SLC14A2: variants seen among roughly 807,000 people sequenced by gnomAD.
The protein encoded by SLC14A2 is urea transporter 2.
Under a neutral mutation model 104.6 loss-of-function variants are expected in SLC14A2, and 91 were observed. The observed-to-expected ratio is 0.87, with a 90% CI of 0.73 to 1.04. The LOEUF (loss-of-function observed/expected upper bound fraction) is 1.04. Among genes scored for constraint, SLC14A2 ranks in the 50% least tolerant of loss-of-function variants. The pLI, the probability that SLC14A2 is intolerant of heterozygous loss-of-function variation, is 0.00. For synonymous variants in SLC14A2, 476 were observed against 466.4 expected, an observed-to-expected ratio of 1.02 and a Z score of -0.27; for missense variants, 1,189 against 1,156.0, an observed-to-expected ratio of 1.03 and a Z score of -0.41.
rs146378277 is a variant in SLC14A2 at position 45,555,037 on chromosome 18, G to A, written c.-34-69594G>A. ...GTACCTGTTGCCTTTAGGATACCAG[G>A]GATGTAGTAGTTGCTCAATAAATAT... is the stretch of plus-strand genomic sequence containing the variant. On this transcript the variant is annotated intron_variant, in intron 2 of 20. Coordinates refer to the SLC14A2 transcript ENST00000586448. 5.1e-3 allele frequency among the ~76,000 whole-genome samples: 775 copies of A among 152,306 alleles called. 4 individuals are homozygous for A. Among genetic ancestry groups the A allele is most frequent in the Non-Finnish European group, 7.4e-3 (503 of 68,022 alleles).
In SLC14A2 at chr18:45,632,408, G is replaced by A. The variant is rs201382505; in HGVS notation, c.580G>A (p.Ala194Thr). 1 of 1,614,110 alleles carries A rather than the reference G, an allele frequency of 6.2e-7. No homozygotes were observed. The highest frequency in any genetic ancestry group is 8.5e-7 in the Non-Finnish European group (1 of 1,179,982). Reference sequence around the variant, plus strand: ...CGGGATGCTGGTGGGACTGCTGATGGCCGTGTTCTCGGAGAAGTTAGACTA... The same window carrying A: ...CGGGATGCTGGTGGGACTGCTGATGACCGTGTTCTCGGAGAAGTTAGACTA... ...YNGMLVGLLM[A>T]VFSEKLDYYW... is the part of the protein sequence containing the mutation. Residue 194 changes from alanine to threonine, a missense_variant, in exon 5 of 20, where the codon GCC becomes ACC. Coordinates refer to ENST00000255226, the MANE Select transcript of SLC14A2 (RefSeq NM_007163.4).
intron 1 of SLC14A2, among the ~76,000 whole-genome samples, chr18:45,383,653 T>A (rs1235779810): frequency 6.6e-6 from 1 of 152,172 alleles, no homozygotes; most frequent in Non-Finnish European, 1.5e-5. Context: ...CTCACAGGCC[T>A]CCAGGTGTTC....
chr18:45,227,677 C>T (rs576240212), intron 1 of SLC14A2, among the ~76,000 whole-genome samples: 71 of 152,244 alleles, frequency 4.7e-4, no homozygotes, highest in Non-Finnish European at 8.5e-4. Flanking sequence ...TGGCAGATGA[C>T]GAAGCACTTC....
At chr18:45,432,158 A>G (rs1250399828) in intron 1 of SLC14A2, among the ~76,000 whole-genome samples, 2 of 152,100 alleles carry the variant, frequency 1.3e-5, no homozygotes. Flanking sequence ...CTATTTTTCC[A>G]TCTTTTATAA....
At chr18:45,452,851 A>AGGCATTCTT (rs931383994) in intron 1 of SLC14A2, among the ~76,000 whole-genome samples, 5 of 152,190 alleles carry the variant, frequency 3.3e-5, no homozygotes, top group Admixed American at 2.6e-4. Context: ...GTGGTGTTTG[A>AGGCATTCTT]GGCATTCTTC....
At chr18:45,250,991 C>T (rs1356183853) in intron 1 of SLC14A2, among the ~76,000 whole-genome samples, 1 of 152,078 alleles carries the variant, frequency 6.6e-6, no homozygotes, top group East Asian at 1.9e-4. Context: ...GAGAAAACTT[C>T]ATAATTCAGC....
intron 1 of SLC14A2, among the ~76,000 whole-genome samples, chr18:45,428,364 T>A (rs1280129394): frequency 6.6e-6 from 1 of 152,224 alleles, no homozygotes; most frequent in Non-Finnish European, 1.5e-5. Context: ...AAATGATCCA[T>A]GTTTAAGAAG....
At chr18:45,350,937 C>A (rs1164484007) in intron 1 of SLC14A2, among the ~76,000 whole-genome samples, 1 of 152,168 alleles carries the variant, frequency 6.6e-6, no homozygotes, top group African/African-American at 2.4e-5. Flanking sequence ...ATTTGTCAGT[C>A]ATTTTCTGCA....
At chr18:45,618,696 A>G (rs557989816) in intron 1 of SLC14A2, among the ~76,000 whole-genome samples, 165 of 144,456 alleles carry the variant, frequency 1.1e-3, no homozygotes, top group South Asian at 8.0e-3. Flanking sequence ...AAAAAAAAAA[A>G]AAGAAGTAGT....
intron 2 of SLC14A2, among the ~76,000 whole-genome samples, chr18:45,544,837 G>T (rs1206842506): frequency 1.5e-5 from 2 of 131,964 alleles, no homozygotes; most frequent in African/African-American, 5.9e-5. Context: ...TTGTTGCCCA[G>T]GCTGGAGTGC....
In SLC14A2 at chr18:45,571,814, C is replaced by T. The variant is rs2044350128; in HGVS notation, c.-34-52817C>T. On this transcript the variant is annotated intron_variant, in intron 2 of 20. Coordinates refer to the SLC14A2 transcript ENST00000586448. The stretch of plus-strand genomic sequence containing the variant: ...ACCAAAAATCAGAGAAAACTGATGT[C>T]TGAAACAACAGAAACATTTTCTCAT... Among the ~76,000 whole-genome samples the T allele has an allele frequency of 1.3e-5, 2 of 152,200 alleles. 1 individual carries two copies. Among genetic ancestry groups the T allele is most frequent in the South Asian group, 4.1e-4 (2 of 4,822 alleles).
intron 2 of SLC14A2, among the ~76,000 whole-genome samples, chr18:45,540,083 T>G (rs1307697368): frequency 6.6e-6 from 1 of 152,128 alleles, no homozygotes; most frequent in Non-Finnish European, 1.5e-5. Flanking sequence ...TTTCTTTCTT[T>G]CTTTTTTAAT....
At chr18:45,178,299 C>CACT in the SLC14A2 span, among the ~76,000 whole-genome samples, 1 of 152,116 alleles carries the variant, frequency 6.6e-6, no homozygotes, top group Admixed American at 6.6e-5. Context: ...CACTAGAATT[C>CACT]AGTCTACATA....
chr18:45,274,463 T>C (rs2084682077), intron 1 of SLC14A2, among the ~76,000 whole-genome samples: 1 of 152,214 alleles, frequency 6.6e-6, no homozygotes, highest in South Asian at 2.1e-4. Context: ...TTTTTAATCT[T>C]TCCTTATAGT....
intron 1 of SLC14A2, among the ~76,000 whole-genome samples, chr18:45,454,433 T>A (rs2086908234): frequency 6.6e-6 from 1 of 152,158 alleles, no homozygotes; most frequent in Non-Finnish European, 1.5e-5. Context: ...ATTGCAAAAA[T>A]TTTCCTCCCA....
At chr18:45,521,974 C>A (rs902627000) in intron 2 of SLC14A2, among the ~76,000 whole-genome samples, 2 of 152,160 alleles carry the variant, frequency 1.3e-5, no homozygotes, top group African/African-American at 4.8e-5. Context: ...CATTTGAGGG[C>A]AGCTTGCCAT....
chr18:45,250,489 TATGA>T (rs1568120997), intron 1 of SLC14A2, among the ~76,000 whole-genome samples: 1 of 152,222 alleles, frequency 6.6e-6, no homozygotes, highest in Non-Finnish European at 1.5e-5. Context: ...TGCTAATTTT[TATGA>T]CTCTTGTTTT....
the SLC14A2 span, among the ~76,000 whole-genome samples, chr18:45,195,052 C>G: frequency 6.6e-6 from 1 of 152,172 alleles, no homozygotes; most frequent in Non-Finnish European, 1.5e-5. Flanking sequence ...TCCATAAAGG[C>G]AAACGTCTCA....
chr18:45,647,263 T>C (rs2045640651), intron 10 of SLC14A2: 2 of 152,284 alleles, frequency 1.3e-5, no homozygotes, highest in Admixed American at 6.5e-5. Context: ...TGCTAAGATA[T>C]AATCAATTTT....
Sources: gnomAD v4.1 joint callset for allele counts (sites outside exome capture counted in the v4.1 genomes callset) on GRCh38, gnomAD v4.1.1 for gene constraint, MANE v1.5 for transcripts, NCBI Gene and HGNC (gene_info 2026-07-23, HGNC 2026-07-21) for gene names.